The following YIPF6 variants were observed in gnomAD, a reference collection of about 807,000 sequenced individuals.
YIPF6 encodes Yip1 domain family member 6.
A neutral mutation model predicts 16.8 loss-of-function variants in YIPF6; 3 were observed. That is an observed-to-expected ratio of 0.18 (90% CI 0.08 to 0.46). The LOEUF (loss-of-function observed/expected upper bound fraction) is 0.46. YIPF6 is among the 20% of genes least tolerant of loss of function. The probability of loss-of-function intolerance (pLI) is 0.98; values close to 1 mark genes in which losing one functional copy is unlikely to be tolerated. For missense variants in YIPF6, 145 were observed against 184.9 expected, an observed-to-expected ratio of 0.78 and a Z score of 1.25; for synonymous variants, 67 against 61.9, an observed-to-expected ratio of 1.08 and a Z score of -0.38.
chrX:68,520,944 A>G (rs1419100284), intron 4 of YIPF6, among the ~76,000 whole-genome samples: 5 of 111,550 alleles, frequency 4.5e-5, no homozygotes, highest in Non-Finnish European at 9.4e-5. Flanking sequence ...TGCAGGCTCA[A>G]TGTTAGAAAG....
intron 1 of YIPF6, among the ~76,000 whole-genome samples, chrX:68,500,822 G>T (rs1052436512): frequency 8.9e-6 from 1 of 111,832 alleles, no homozygotes; most frequent in Admixed American, 9.6e-5. Context: ...GTTGTGTTAA[G>T]TTCTATCGTG....
chrX:68,518,942 T>G, intron 4 of YIPF6, 130 bp downstream of exon 4: 1 of 584,685 alleles, frequency 1.7e-6, no homozygotes, highest in Non-Finnish European at 2.5e-6. Flanking sequence ...CATGTTATAC[T>G]CCTTAGGTAT....
At position 68,518,810 on chromosome X, in the gene YIPF6, A is replaced by G. The variant is rs751099549; in HGVS notation, c.306A>G (p.Ala102=). 53 of 1,177,314 alleles carry G rather than the reference A, an allele frequency of 4.5e-5. No homozygotes were observed. The highest frequency in any genetic ancestry group is 5.3e-5 in the Non-Finnish European group (47 of 883,017). The change falls in exon 4 of 7, where the codon GCA becomes GCG. Residue 102 remains alanine, a splice_region_variant and synonymous_variant. Coordinates refer to ENST00000462683, the MANE Select transcript of YIPF6 (RefSeq NM_173834.4). ...CTTTGATCCTTTGTGTGACACTCGC[A>G]TTGTAAGTACTTGCATTTTCTTTCT... ...WGPLILCVTL[A]LMLQRDSADS...
intron 1 of YIPF6, among the ~76,000 whole-genome samples, chrX:68,504,148 G>A (rs1420798380): frequency 8.9e-6 from 1 of 112,155 alleles, no homozygotes; most frequent in African/African-American, 3.2e-5. Context: ...TACACAGGGC[G>A]AGGTCTGACA....
intron 1 of YIPF6, among the ~76,000 whole-genome samples, chrX:68,507,365 G>C (rs894747724): frequency 1.8e-5 from 2 of 111,765 alleles, no homozygotes; most frequent in Non-Finnish European, 3.8e-5. Flanking sequence ...CCTTCTTCCA[G>C]AGGAACTTCC....
At chrX:68,516,579 G>C (rs770858398) in intron 3 of YIPF6, among the ~76,000 whole-genome samples, 2 of 111,575 alleles carry the variant, frequency 1.8e-5, no homozygotes, top group African/African-American at 6.5e-5. Context: ...GTAGGATTAT[G>C]GTTTTTTATG....
chrX:68,522,433 A>G (rs773955401), intron 5 of YIPF6, among the ~76,000 whole-genome samples: 1 of 109,528 alleles, frequency 9.1e-6, no homozygotes, highest in African/African-American at 3.3e-5. Context: ...AGTAGCTGGG[A>G]TTACAGGTGC....
intron 1 of YIPF6, among the ~76,000 whole-genome samples, chrX:68,503,719 G>A (rs1352670551): frequency 8.9e-6 from 1 of 112,037 alleles, no homozygotes; most frequent in African/African-American, 3.2e-5. Context: ...ACAATTTTGG[G>A]GGTTCCCAGG....
chrX:68,504,024 C>T (rs770390513), intron 1 of YIPF6, among the ~76,000 whole-genome samples: 21 of 112,409 alleles, frequency 1.9e-4, no homozygotes, highest in African/African-American at 6.8e-4. Context: ...TGGCCCTCCC[C>T]TCAGGTTTCA....
chrX:68,534,207 C>T lies in YIPF6; in HGVS notation c.*2208C>T, dbSNP rs1464708603. ...AGATAACTTTGCCTACGAAATATTTCGCTTTTATTATTTTCACATCATTCT... is the reference window on the plus strand; with the variant it reads ...AGATAACTTTGCCTACGAAATATTTTGCTTTTATTATTTTCACATCATTCT... On this transcript the variant is annotated 3_prime_UTR_variant, in exon 7 of 7. Coordinates refer to ENST00000462683, the MANE Select transcript of YIPF6 (RefSeq NM_173834.4). 1.8e-5 allele frequency: 2 copies of T among 111,637 alleles called. No individual in the cohort carries two copies. Among genetic ancestry groups the T allele is most frequent in the African/African-American group, 6.5e-5 (2 of 30,785 alleles). 9.2% of individuals were successfully genotyped at this position (111,637 alleles called of 1,213,427 possible).
At chrX:68,527,107 C>CT (rs1247630450) in intron 6 of YIPF6, among the ~76,000 whole-genome samples, 1 of 111,502 alleles carries the variant, frequency 9.0e-6, no homozygotes, top group East Asian at 2.8e-4. Flanking sequence ...TGGTCATGGG[C>CT]TTTTTTTGAT....
rs1247523099 is a variant in YIPF6, at chrX:68,534,972, T to C, written c.*2973T>C. The C allele has an allele frequency of 8.9e-6, 1 of 112,510 alleles. No homozygotes were observed. Among genetic ancestry groups the C allele is most frequent in the Non-Finnish European group, 1.9e-5 (1 of 53,345 alleles). The allele number at this position is 112,510 out of a possible 1,213,427, so 9.3% of individuals were successfully genotyped here. A position where few individuals can be genotyped will look rare whatever the true frequency, so the allele number is the denominator to read the frequency against. ...ACCAAGACTCTTTTGTCATATTCTT[T>C]AGCAATAGGACGGGTAAAGACTGGA... On this transcript the variant is annotated 3_prime_UTR_variant, in exon 7 of 7. Transcript: ENST00000462683.
intron 1 of YIPF6, 147 bp from the exon 2 acceptor site, chrX:68,511,702 A>G (rs1239014918): frequency 2.6e-5 from 14 of 533,315 alleles, no homozygotes; most frequent in Non-Finnish European, 3.9e-5. Flanking sequence ...TGTTAACTGC[A>G]TTGTGTAATG....
intron 1 of YIPF6, among the ~76,000 whole-genome samples, chrX:68,504,628 A>G (rs1323219381): frequency 8.9e-6 from 1 of 112,434 alleles, no homozygotes; most frequent in African/African-American, 3.2e-5. Context: ...ATTATACAGT[A>G]GTGACAGAAC....
rs991991662 is a variant in YIPF6 at position 68,527,418 on chromosome X, A to C, written c.593-4463A>C. Among the ~76,000 whole-genome samples, 161 of 111,486 alleles carry C rather than the reference A, an allele frequency of 1.4e-3. 1 individual carries two copies. Among genetic ancestry groups the C allele is most frequent in the Non-Finnish European group, 1.3e-3 (68 of 53,064 alleles). Reference sequence around the variant, plus strand: ...TATTTTGTTAATCTTTCCAAAAAAAACAGTTCCTGTATTCATTGATTTTTT... The same window carrying C: ...TATTTTGTTAATCTTTCCAAAAAAACCAGTTCCTGTATTCATTGATTTTTT... On this transcript the variant is annotated intron_variant, in intron 6 of 6. Transcript: ENST00000462683.
chrX:68,521,603 T>A, intron 5 of YIPF6, 106 bp downstream of exon 5: 2 of 846,152 alleles, frequency 2.4e-6, no homozygotes, highest in Non-Finnish European at 1.6e-6. Flanking sequence ...AGACAGGGTG[T>A]CACTCTGTCA....
Position 68,522,877 on chromosome X carries a change from G to T in YIPF6, c.552G>T (p.Arg184=). ...ADPGPVNFMV[R]LFVVIVMFAW... ...CAGGACCTGTAAACTTCATGGTTCG[G>T]CTTTTTGTGGTGATTGTGATGTTTG... Residue 184 remains arginine, a synonymous_variant, in exon 6 of 7, where the codon CGG becomes CGT. Transcript: ENST00000462683. 1 of 1,210,909 alleles carries T rather than the reference G, an allele frequency of 8.3e-7. No individual in the cohort carries two copies. The highest frequency in any genetic ancestry group is 1.1e-6 in the Non-Finnish European group (1 of 895,341).
At chrX:68,514,830 T>C (rs2079095111) in intron 3 of YIPF6, 1 of 112,965 alleles carries the variant, frequency 8.9e-6, no homozygotes, top group African/African-American at 3.2e-5. Context: ...TTATTAGAGT[T>C]CTGTCAAAAC....
intron 1 of YIPF6, among the ~76,000 whole-genome samples, chrX:68,501,236 T>A (rs1246218336): frequency 1.8e-5 from 2 of 112,217 alleles, no homozygotes; most frequent in Non-Finnish European, 3.8e-5. Context: ...AAGAGAAAGT[T>A]ACACAAAGAA....
Sources: allele counts gnomAD v4.1 joint callset (sites outside exome capture counted in the v4.1 genomes callset), GRCh38; gene constraint gnomAD v4.1.1; transcripts MANE v1.5; gene names NCBI Gene and HGNC (gene_info 2026-07-23, HGNC 2026-07-21).